The following EPHA5 variants were observed in gnomAD, a reference collection of about 807,000 sequenced individuals.
EPHA5 encodes EPH receptor A5, also known as ephrin type-A receptor 5.
EPHA5 carries 60 observed loss-of-function variants against 105.0 expected under a neutral mutation model. The ratio of observed to expected loss-of-function variants is 0.57; its 90% confidence interval spans 0.46 to 0.71. The LOEUF is 0.71. Ranked by LOEUF, EPHA5 falls within the 30% of genes least tolerant of loss-of-function variation. The pLI, the probability that EPHA5 is intolerant of heterozygous loss-of-function variation, is 0.00. For synonymous variants in EPHA5, 513 were observed against 449.1 expected (o/e 1.14, Z -1.80); for missense variants, 1,218 against 1,274.7 (o/e 0.96, Z 0.68).
At position 65,323,619 on chromosome 4, in the gene EPHA5, T is replaced by C. The variant is rs1172004657; in HGVS notation, c.*495A>G. 4.3e-6 allele frequency: 1 copy of C among 230,202 alleles called. No homozygotes were observed. Among genetic ancestry groups the C allele is most frequent in the Non-Finnish European group, 8.6e-6 (1 of 116,116 alleles). 14.3% of individuals were successfully genotyped at this position (230,202 alleles called of 1,614,324 possible). A position where few individuals can be genotyped will look rare whatever the true frequency, so the allele number is the denominator to read the frequency against. ...TTTTAAAATTACAAAAGAAGATATC[T>C]ATTAAGAAATAATCTAATCATATTG... is the stretch of plus-strand genomic sequence containing the variant. On this transcript the variant is annotated 3_prime_UTR_variant, in exon 17 of 17. Coordinates refer to ENST00000613740, the MANE Select transcript of EPHA5 (RefSeq NM_001281766.3).
At chr4:65,442,970 G>C (rs1249638189) in intron 5 of EPHA5, among the ~76,000 whole-genome samples, 1 of 152,094 alleles carries the variant, frequency 6.6e-6, no homozygotes, top group Non-Finnish European at 1.5e-5. Flanking sequence ...CATTTATACA[G>C]TGAACTTCTG....
chr4:65,523,902 A>G (rs1396305312), intron 3 of EPHA5, among the ~76,000 whole-genome samples: 3 of 151,894 alleles, frequency 2.0e-5, no homozygotes, highest in Non-Finnish European at 4.4e-5. Context: ...TTCATATCAC[A>G]AGAGTGAAGG....
intron 3 of EPHA5, among the ~76,000 whole-genome samples, chr4:65,598,304 T>G (rs1743379210): frequency 6.6e-6 from 1 of 152,122 alleles, no homozygotes; most frequent in Non-Finnish European, 1.5e-5. Context: ...ATGATTAAGT[T>G]AAAAGACATA....
intron 11 of EPHA5, among the ~76,000 whole-genome samples, chr4:65,357,619 A>G (rs1723428386): frequency 6.6e-6 from 1 of 151,486 alleles, no homozygotes; most frequent in South Asian, 2.1e-4. Context: ...TACTTAAAGT[A>G]GTTAAACCCA....
At chr4:65,530,800 T>C (rs1298384463) in intron 3 of EPHA5, among the ~76,000 whole-genome samples, 1 of 152,142 alleles carries the variant, frequency 6.6e-6, no homozygotes, top group East Asian at 1.9e-4. Flanking sequence ...GCCTATCCAC[T>C]ACCCATTCTT....
chr4:65,563,811 T>C (rs1739262823), intron 3 of EPHA5, among the ~76,000 whole-genome samples: 1 of 151,982 alleles, frequency 6.6e-6, no homozygotes, highest in Admixed American at 6.6e-5. Context: ...GTCTGATGAG[T>C]AATGAAAGAG....
At chr4:65,477,816 T>C (rs1212161396) in intron 5 of EPHA5, among the ~76,000 whole-genome samples, 3 of 152,160 alleles carry the variant, frequency 2.0e-5, no homozygotes, top group Non-Finnish European at 4.4e-5. Flanking sequence ...AATAAATTTC[T>C]TTGCAGCACA....
chr4:65,527,093 C>G (rs183839063), intron 3 of EPHA5, among the ~76,000 whole-genome samples: 3 of 152,078 alleles, frequency 2.0e-5, no homozygotes, highest in African/African-American at 7.2e-5. Context: ...GTATATAGTG[C>G]TTAGGACAAA....
At chr4:65,643,126 T>C (rs1038552506) in intron 2 of EPHA5, among the ~76,000 whole-genome samples, 2 of 152,052 alleles carry the variant, frequency 1.3e-5, no homozygotes, top group African/African-American at 4.8e-5. Context: ...CACATCTCTT[T>C]GTGGAACAAT....
intron 7 of EPHA5, among the ~76,000 whole-genome samples, chr4:65,404,827 G>A (rs1722202825): frequency 6.6e-6 from 1 of 152,080 alleles, no homozygotes; most frequent in Non-Finnish European, 1.5e-5. Flanking sequence ...AATCTAAATA[G>A]GAGGTGCCAG....
chr4:65,404,564 A>G lies in EPHA5; in HGVS notation c.1688-85T>C, dbSNP rs372903646. 1.5e-3 allele frequency: 1,798 copies of G among 1,163,266 alleles called. 39 individuals are homozygous for G. The South Asian group carries it at 0.023, about 15-fold the overall frequency. The allele number at this position is 1,163,266 out of a possible 1,614,324, so 72.1% of individuals were successfully genotyped here. A position where few individuals can be genotyped will look rare whatever the true frequency, so the allele number is the denominator to read the frequency against. ...AAAGTTGCTTAATAGACAGTAATCAATTCATGATTTAAGCAATTTACCCAC... is the reference window on the plus strand; with the variant it reads ...AAAGTTGCTTAATAGACAGTAATCAGTTCATGATTTAAGCAATTTACCCAC... On this transcript the variant is annotated intron_variant, in intron 7 of 16. Transcript: ENST00000613740.
rs765069038 is a variant in EPHA5 at position 65,643,387 on chromosome 4, T to C, written c.222A>G (p.Gly74=). ...CCCCATTTTTTGGAAAAGCAATCCATCCCAGGTCCCCCATGACAGTGCGTG... is the reference window on the plus strand; with the variant it reads ...CCCCATTTTTTGGAAAAGCAATCCACCCCAGGTCCCCCATGACAGTGCGTG... ...LDSRTVMGDL[G]WIAFPKNGWE... Residue 74 remains glycine, a synonymous_variant, in exon 2 of 17, where the codon GGA becomes GGG. Transcript: ENST00000613740. The C allele has an allele frequency of 6.2e-7, 1 of 1,613,116 alleles. No homozygotes were observed. Among genetic ancestry groups the C allele is most frequent in the African/African-American group, 1.3e-5 (1 of 74,978 alleles).
At chr4:65,542,911 G>T (rs1669536709) in intron 3 of EPHA5, among the ~76,000 whole-genome samples, 2 of 152,036 alleles carry the variant, frequency 1.3e-5, no homozygotes, top group Non-Finnish European at 2.9e-5. Context: ...TGCAAGGCTG[G>T]TTCAATATAT....
intron 5 of EPHA5, among the ~76,000 whole-genome samples, chr4:65,454,849 G>A (rs80097716): frequency 1.3e-5 from 2 of 152,124 alleles, no homozygotes; most frequent in East Asian, 1.9e-4. Context: ...AGCCTTTTGG[G>A]AATTAACTTA....
Position 65,656,953 on chromosome 4 carries a change from G to GTGT in EPHA5, c.181+12608_181+12609insACA, listed in dbSNP as rs1553962546. Among the ~76,000 whole-genome samples, 160 of 143,692 alleles carry GTGT rather than the reference G, an allele frequency of 1.1e-3. 1 individual carries two copies. Among genetic ancestry groups the GTGT allele is most frequent in the Admixed American group, 5.2e-3 (75 of 14,452 alleles). The allele number at this position is 143,692 out of a possible 152,430, so 94.3% of individuals were successfully genotyped here. ...TTAGAGTAAATGAAAACGTGTGTGT[G>GTGT]TTTTTTTTTTTTCTGGAGAAATAGT... On this transcript the variant is annotated intron_variant, in intron 1 of 16. Transcript: ENST00000613740.
chr4:65,426,566 A>G (rs1045639282), intron 5 of EPHA5, among the ~76,000 whole-genome samples: 2 of 152,126 alleles, frequency 1.3e-5, no homozygotes, highest in Admixed American at 1.3e-4. Context: ...TTATTGATAT[A>G]TCTCATGTGC....
At chr4:65,638,477 C>T (rs1747350881) in intron 2 of EPHA5, among the ~76,000 whole-genome samples, 1 of 152,098 alleles carries the variant, frequency 6.6e-6, no homozygotes, top group Non-Finnish European at 1.5e-5. Flanking sequence ...GTGGCTCATG[C>T]CTGTAATCCT....
At chr4:65,368,174 A>C (rs748065579) in intron 8 of EPHA5, among the ~76,000 whole-genome samples, 2 of 151,976 alleles carry the variant, frequency 1.3e-5, no homozygotes, top group Admixed American at 6.6e-5. Context: ...TCTTCTCCAC[A>C]TTGATGTATG....
chr4:65,335,833 G>T (rs745694097), intron 15 of EPHA5, 99 bp downstream of exon 15: 12 of 1,235,654 alleles, frequency 9.7e-6, no homozygotes, highest in Non-Finnish European at 1.2e-5. Context: ...TAGATTCACA[G>T]ATTAATGTCT....
Sources: allele counts gnomAD v4.1 joint callset (sites outside exome capture counted in the v4.1 genomes callset), GRCh38; gene constraint gnomAD v4.1.1; transcripts MANE v1.5; gene names NCBI Gene and HGNC (gene_info 2026-07-23, HGNC 2026-07-21).